Variants in GALNT13 observed in about 807,000 individuals in gnomAD.
GALNT13 encodes polypeptide N-acetylgalactosaminyltransferase 13.
In GALNT13, 28 loss-of-function variants were observed where a neutral mutation model predicts 64.2. The observed-to-expected ratio is 0.44, with a 90% CI of 0.32 to 0.60. GALNT13 has a LOEUF of 0.60. Ranked by LOEUF, GALNT13 falls within the 20% of genes least tolerant of loss-of-function variation. The pLI is 0.05. For synonymous variants in GALNT13, 214 were observed against 224.6 expected (o/e 0.95, Z 0.42); for missense variants, 577 against 669.8 (o/e 0.86, Z 1.53).
chr2:154,010,492 T>G (rs1696559498), intron 3 of GALNT13, among the ~76,000 whole-genome samples: 1 of 152,224 alleles, frequency 6.6e-6, no homozygotes. Flanking sequence ...GGTTTGCTAG[T>G]ATTTTATTGA....
At chr2:154,268,108 AT>A (rs1691122313) in intron 8 of GALNT13, among the ~76,000 whole-genome samples, 2 of 152,316 alleles carry the variant, frequency 1.3e-5, no homozygotes, top group East Asian at 3.9e-4. Flanking sequence ...GGAAAGGAAA[AT>A]GTATATTCAT....
At chr2:153,633,140 G>A in the GALNT13 span, among the ~76,000 whole-genome samples, 1 of 152,094 alleles carries the variant, frequency 6.6e-6, no homozygotes, top group Non-Finnish European at 1.5e-5. Context: ...CCTATACAAG[G>A]CATCTTGGTT....
chr2:153,363,339 G>A, the GALNT13 span, among the ~76,000 whole-genome samples: 2 of 151,966 alleles, frequency 1.3e-5, no homozygotes, highest in African/African-American at 4.8e-5. Flanking sequence ...AAAAGCAAGA[G>A]TAAACAAATC....
At chr2:154,105,750 C>G (rs1435941075) in intron 3 of GALNT13, among the ~76,000 whole-genome samples, 1 of 152,136 alleles carries the variant, frequency 6.6e-6, no homozygotes. Flanking sequence ...ATAGAAATGT[C>G]CTAAGACTTA....
At chr2:153,405,529 A>T in the GALNT13 span, among the ~76,000 whole-genome samples, 2 of 152,188 alleles carry the variant, frequency 1.3e-5, no homozygotes, top group Admixed American at 1.3e-4. Flanking sequence ...GCTAAAGCTG[A>T]ACTATTTTCC....
chr2:154,299,384 T>C (rs1350312053), intron 8 of GALNT13, among the ~76,000 whole-genome samples: 1 of 151,514 alleles, frequency 6.6e-6, no homozygotes, highest in Non-Finnish European at 1.5e-5. Context: ...TGTAAAAATG[T>C]GCGTAATCAC....
chr2:154,196,340 T>C (rs1686878048), intron 4 of GALNT13, among the ~76,000 whole-genome samples: 1 of 152,204 alleles, frequency 6.6e-6, no homozygotes, highest in Non-Finnish European at 1.5e-5. Flanking sequence ...TCTGTGATTT[T>C]TGGCTACATA....
the GALNT13 span, among the ~76,000 whole-genome samples, chr2:153,522,191 A>G: frequency 6.6e-6 from 1 of 151,936 alleles, no homozygotes; most frequent in Non-Finnish European, 1.5e-5. Context: ...AAAATTAGTC[A>G]GGTGTGGTGG....
chr2:153,739,973 G>T, the GALNT13 span, among the ~76,000 whole-genome samples: 1 of 151,740 alleles, frequency 6.6e-6, no homozygotes, highest in Non-Finnish European at 1.5e-5. Context: ...TTTATTTGTG[G>T]AAATGTTTTT....
intron 4 of GALNT13, among the ~76,000 whole-genome samples, chr2:154,218,155 A>G (rs145150077): frequency 2.2e-4 from 34 of 152,274 alleles, no homozygotes; most frequent in African/African-American, 7.9e-4. Flanking sequence ...AAGTGAACCC[A>G]GAGAATGGTC....
the GALNT13 span, among the ~76,000 whole-genome samples, chr2:153,076,629 C>A: frequency 4.5e-3 from 687 of 152,074 alleles, 5 homozygotes; most frequent in African/African-American, 0.016. Flanking sequence ...AGGAATTGAT[C>A]AAATTTTATA....
At chr2:153,934,556 C>T (rs1230146751) in intron 2 of GALNT13, among the ~76,000 whole-genome samples, 3 of 152,136 alleles carry the variant, frequency 2.0e-5, no homozygotes, top group Non-Finnish European at 4.4e-5. Context: ...TCAAATGTCA[C>T]GTGTCAATGC....
chr2:153,173,599 A>G, the GALNT13 span, among the ~76,000 whole-genome samples: 1 of 152,210 alleles, frequency 6.6e-6, no homozygotes, highest in Admixed American at 6.5e-5. Flanking sequence ...CTGAGGTACT[A>G]GGGTATATCT....
the GALNT13 span, among the ~76,000 whole-genome samples, chr2:153,483,410 C>CTTTTTTTTTT: frequency 1.4e-5 from 1 of 71,776 alleles, no homozygotes; most frequent in Non-Finnish European, 2.6e-5. Context: ...GAATAAAATT[C>CTTTTTTTTTT]TTTTTTTTTT....
the GALNT13 span, among the ~76,000 whole-genome samples, chr2:153,715,410 TG>T: frequency 6.6e-6 from 1 of 152,346 alleles, no homozygotes; most frequent in South Asian, 2.1e-4. Context: ...CAACTGGCTT[TG>T]GCCCTTCCAC....
At chr2:153,936,899 T>A (rs909257843) in intron 2 of GALNT13, among the ~76,000 whole-genome samples, 1 of 152,030 alleles carries the variant, frequency 6.6e-6, no homozygotes, top group Non-Finnish European at 1.5e-5. Flanking sequence ...TTTTTGTATT[T>A]GTAGAGACGG....
At chr2:153,665,024 A>G in the GALNT13 span, among the ~76,000 whole-genome samples, 2 of 152,332 alleles carry the variant, frequency 1.3e-5, no homozygotes, top group African/African-American at 2.4e-5. Context: ...ATGGCAGTCA[A>G]ACTCACAGAA....
At chr2:154,271,743 A>G (rs1434389698) in intron 8 of GALNT13, among the ~76,000 whole-genome samples, 4 of 151,884 alleles carry the variant, frequency 2.6e-5, no homozygotes, top group Admixed American at 2.6e-4. Flanking sequence ...ATCTATATAT[A>G]TATCTATCTA....
chr2:153,220,980 G>T, the GALNT13 span, among the ~76,000 whole-genome samples: 1 of 152,132 alleles, frequency 6.6e-6, no homozygotes, highest in Non-Finnish European at 1.5e-5. Flanking sequence ...ACTGGAGCCT[G>T]TTGGAAGGTG....
Sources: allele counts gnomAD v4.1 joint callset (sites outside exome capture counted in the v4.1 genomes callset), GRCh38; gene constraint gnomAD v4.1.1; transcripts MANE v1.5; gene names NCBI Gene and HGNC (gene_info 2026-07-23, HGNC 2026-07-21).